OPHN1: variants seen among roughly 807,000 people sequenced by gnomAD.
OPHN1 encodes oligophrenin-1.
A neutral mutation model predicts 60.7 loss-of-function variants in OPHN1; 11 were observed. The observed-to-expected ratio is 0.18, with a 90% confidence interval of 0.11 to 0.30. The LOEUF is 0.30. Among genes scored for constraint, OPHN1 ranks in the 10% least tolerant of loss-of-function variants. OPHN1 has a pLI of 1.00. For missense variants in OPHN1, 449 were observed against 611.0 expected, an observed-to-expected ratio of 0.73 and a Z score of 2.80; for synonymous variants, 226 against 222.6, an observed-to-expected ratio of 1.02 and a Z score of -0.14.
intron 18 of OPHN1, among the ~76,000 whole-genome samples, chrX:68,107,678 G>A (rs749093250): frequency 9.0e-6 from 1 of 110,775 alleles, no homozygotes; most frequent in Admixed American, 9.6e-5. Context: ...GTTTCACCAT[G>A]TTGGCCAGGC....
intron 2 of OPHN1, among the ~76,000 whole-genome samples, chrX:68,333,891 AT>A (rs764898368): frequency 2.3e-5 from 2 of 87,510 alleles, no homozygotes; most frequent in African/African-American, 1.1e-4. Flanking sequence ...TTTCAAATGA[AT>A]TTTTTTTTTT....
At chrX:68,395,610 G>C (rs1180815154) in intron 2 of OPHN1, among the ~76,000 whole-genome samples, 1 of 110,406 alleles carries the variant, frequency 9.1e-6, no homozygotes, top group Non-Finnish European at 1.9e-5. Context: ...ACCACACCTG[G>C]CTAATTTTGT....
intron 15 of OPHN1, among the ~76,000 whole-genome samples, chrX:68,152,038 G>A (rs2077287293): frequency 9.0e-6 from 1 of 110,665 alleles, no homozygotes; most frequent in African/African-American, 3.3e-5. Flanking sequence ...CAGATCTTGC[G>A]AGGACTTACT....
At chrX:68,164,010 G>A (rs1602202793) in intron 15 of OPHN1, among the ~76,000 whole-genome samples, 2 of 111,474 alleles carry the variant, frequency 1.8e-5, no homozygotes, top group Admixed American at 9.6e-5. Context: ...ATTTATGGAC[G>A]GTTTACTGCA....
intron 14 of OPHN1, 135 bp from the exon 15 acceptor site, chrX:68,193,128 G>A: frequency 1.9e-6 from 1 of 526,923 alleles, no homozygotes; most frequent in African/African-American, 2.3e-5. Flanking sequence ...CCTGTAACAG[G>A]GGAATAGTCC....
intron 2 of OPHN1, among the ~76,000 whole-genome samples, chrX:68,379,037 T>G: frequency 9.0e-6 from 1 of 111,008 alleles, no homozygotes; most frequent in East Asian, 2.8e-4. Context: ...ATGGCCATTT[T>G]CACGATATTG....
At chrX:68,176,565 A>T (rs1308900714) in intron 15 of OPHN1, among the ~76,000 whole-genome samples, 1 of 111,726 alleles carries the variant, frequency 9.0e-6, no homozygotes, top group Non-Finnish European at 1.9e-5. Flanking sequence ...GAAAAACTGG[A>T]ACCCTTGTGC....
At chrX:68,217,243 C>T (rs941798659) in intron 6 of OPHN1, among the ~76,000 whole-genome samples, 3 of 112,125 alleles carry the variant, frequency 2.7e-5, no homozygotes, top group Non-Finnish European at 3.8e-5. Context: ...CGGAGCACCA[C>T]GAGATTATAT....
At chrX:68,200,798 T>C (rs766144432) in intron 11 of OPHN1, among the ~76,000 whole-genome samples, 14 of 111,906 alleles carry the variant, frequency 1.3e-4, no homozygotes, top group Non-Finnish European at 2.3e-4. Context: ...TTCAAGTTCC[T>C]TTCTAGCAAT....
At chrX:68,289,690 C>CA (rs767053518) in intron 3 of OPHN1, among the ~76,000 whole-genome samples, 1 of 111,704 alleles carries the variant, frequency 9.0e-6, no homozygotes, top group Non-Finnish European at 1.9e-5. Context: ...CCCATCTCTA[C>CA]AAAAAACAAA....
chrX:68,259,461 T>G (rs1217621727), intron 5 of OPHN1, among the ~76,000 whole-genome samples: 1 of 111,039 alleles, frequency 9.0e-6, no homozygotes, highest in South Asian at 3.8e-4. Context: ...AAAAAAAAGA[T>G]AATTGTTTAA....
intron 2 of OPHN1, among the ~76,000 whole-genome samples, chrX:68,416,918 A>G (rs761742321): frequency 8.9e-6 from 1 of 112,048 alleles, no homozygotes; most frequent in Non-Finnish European, 1.9e-5. Context: ...ATATAAACAA[A>G]TAGGTGTGGC....
intron 19 of OPHN1, among the ~76,000 whole-genome samples, chrX:68,084,619 A>AT (rs397778801): frequency 1.8e-5 from 2 of 108,223 alleles, no homozygotes; most frequent in Non-Finnish European, 3.9e-5. Context: ...GAAAAAAAAA[A>AT]CCCTTCCTCA....
rs35324033 is a variant in OPHN1 at position 68,327,797 on chromosome X, TAA to T, written c.155-28703_155-28702del. ...CAATAAAAATAAAAAATAAAAAAAA[TAA>T]AAAAAAAAAAAAAAAAAATTTTAAA... On this transcript the variant is annotated intron_variant, in intron 2 of 24. Coordinates refer to ENST00000355520, the MANE Select transcript of OPHN1 (RefSeq NM_002547.3). Among the ~76,000 whole-genome samples, 169 of 67,376 alleles carry T rather than the reference TAA, an allele frequency of 2.5e-3. 11 individuals carry two copies. The highest frequency in any genetic ancestry group is 9.3e-3 in the Middle Eastern group (1 of 108). 58.5% of individuals were successfully genotyped at this position (67,376 alleles called of 115,157 possible).
intron 2 of OPHN1, among the ~76,000 whole-genome samples, chrX:68,354,446 C>T (rs1448413632): frequency 5.8e-5 from 5 of 85,783 alleles, no homozygotes. Flanking sequence ...GAGTAAGACT[C>T]CATCTCAAAA....
chrX:68,256,956 C>T (rs1381309334), intron 5 of OPHN1, among the ~76,000 whole-genome samples: 2 of 108,934 alleles, frequency 1.8e-5, no homozygotes, highest in African/African-American at 3.4e-5. Flanking sequence ...TGCTTGAACC[C>T]GGGAGGCGGA....
At chrX:68,256,704 T>A (rs760278128) in intron 5 of OPHN1, among the ~76,000 whole-genome samples, 1 of 112,059 alleles carries the variant, frequency 8.9e-6, no homozygotes, top group South Asian at 3.7e-4. Flanking sequence ...AAGTTTGTTT[T>A]TTAATTTTAC....
intron 2 of OPHN1, among the ~76,000 whole-genome samples, chrX:68,300,726 T>G (rs1054588834): frequency 3.5e-5 from 4 of 112,811 alleles, no homozygotes; most frequent in African/African-American, 1.3e-4. Flanking sequence ...CTCTCTGTTA[T>G]GCTCAGGGAA....
intron 15 of OPHN1, among the ~76,000 whole-genome samples, chrX:68,146,434 T>C (rs1252932981): frequency 1.8e-5 from 2 of 112,268 alleles, no homozygotes; most frequent in Admixed American, 9.4e-5. Context: ...TTATCAGGAA[T>C]AGAATAAAAA....
Sources: allele counts gnomAD v4.1 joint callset (sites outside exome capture counted in the v4.1 genomes callset), GRCh38; gene constraint gnomAD v4.1.1; transcripts MANE v1.5; gene names NCBI Gene and HGNC (gene_info 2026-07-23, HGNC 2026-07-21).